Variants in RBFOX1 observed in about 807,000 individuals in gnomAD.
The protein encoded by RBFOX1 is RNA binding fox-1 homolog 1, also known as RNA binding protein fox-1 homolog 1.
Under a neutral mutation model 57.7 loss-of-function variants are expected in RBFOX1, and 8 were observed. The ratio of observed to expected loss-of-function variants is 0.14; its 90% CI spans 0.08 to 0.25. The LOEUF (loss-of-function observed/expected upper bound fraction) is 0.25. Among genes scored for constraint, RBFOX1 ranks in the 10% least tolerant of loss-of-function variants. RBFOX1 has a pLI of 1.00. For synonymous variants in RBFOX1, 326 were observed against 222.4 expected (o/e 1.47, Z -4.15); for missense variants, 611 against 548.5 (o/e 1.11, Z -1.14).
chr16:7,219,605 A>G (rs1301280620), intron 4 of RBFOX1, among the ~76,000 whole-genome samples: 1 of 152,196 alleles, frequency 6.6e-6, no homozygotes, highest in African/African-American at 2.4e-5. Flanking sequence ...AGAAAGAACA[A>G]GCGTGGCGGA....
chr16:7,656,508 G>C (rs769478162), intron 12 of RBFOX1, among the ~76,000 whole-genome samples: 2 of 152,190 alleles, frequency 1.3e-5, no homozygotes, highest in African/African-American at 4.8e-5. Context: ...TTCAGGGAAA[G>C]CAAGTAGCAT....
intron 3 of RBFOX1, among the ~76,000 whole-genome samples, chr16:6,809,491 A>C (rs12923180): frequency 1.1e-4 from 17 of 152,160 alleles, no homozygotes; most frequent in African/African-American, 2.2e-4. Flanking sequence ...CCTCATCTAC[A>C]TTGAAGAGCT....
chr16:7,599,547 G>A (rs2094896533), intron 9 of RBFOX1, among the ~76,000 whole-genome samples: 1 of 151,338 alleles, frequency 6.6e-6, no homozygotes, highest in Non-Finnish European at 1.5e-5. Flanking sequence ...AAGTGCACTG[G>A]ACACAAATGA....
chr16:6,200,238 C>T (rs555612932), intron 1 of RBFOX1, among the ~76,000 whole-genome samples: 3 of 152,180 alleles, frequency 2.0e-5, no homozygotes, highest in Non-Finnish European at 4.4e-5. Flanking sequence ...GCCTCAAGAA[C>T]AGCCGGGATT....
intron 1 of RBFOX1, among the ~76,000 whole-genome samples, chr16:5,394,598 G>T (rs4786031): frequency 0.057 from 6,968 of 123,274 alleles, 228 homozygotes; most frequent in East Asian, 0.13. Flanking sequence ...ATCTTGCTCT[G>T]TTGCCCAGGC....
At chr16:7,011,605 C>T (rs1209884179) in intron 3 of RBFOX1, among the ~76,000 whole-genome samples, 1 of 152,150 alleles carries the variant, frequency 6.6e-6, no homozygotes, top group Admixed American at 6.5e-5. Flanking sequence ...GCTCCGCATC[C>T]CGGGTTCACG....
chr16:6,215,632 C>G (rs950462428), intron 1 of RBFOX1, among the ~76,000 whole-genome samples: 1 of 152,108 alleles, frequency 6.6e-6, no homozygotes, highest in African/African-American at 2.4e-5. Flanking sequence ...CCTCCATTAA[C>G]CTTGTCTTTT....
intron 3 of RBFOX1, among the ~76,000 whole-genome samples, chr16:7,004,683 A>T (rs982167236): frequency 1.3e-5 from 2 of 152,244 alleles, no homozygotes; most frequent in African/African-American, 4.8e-5. Flanking sequence ...GGGAAAATAT[A>T]CAAAAGCCAC....
At chr16:7,551,566 T>C (rs949165456) in intron 5 of RBFOX1, among the ~76,000 whole-genome samples, 2 of 152,058 alleles carry the variant, frequency 1.3e-5, no homozygotes, top group African/African-American at 4.8e-5. Flanking sequence ...AGTGAGCAAA[T>C]AAATGGGGGT....
At chr16:6,515,451 A>G (rs1372157462) in intron 2 of RBFOX1, among the ~76,000 whole-genome samples, 3 of 152,222 alleles carry the variant, frequency 2.0e-5, no homozygotes, top group Non-Finnish European at 2.9e-5. Flanking sequence ...TATTTTTCTT[A>G]GAATCTAAGA....
chr16:6,808,178 G>GTGTATATATA (rs1318609964), intron 3 of RBFOX1, among the ~76,000 whole-genome samples: 3 of 145,574 alleles, frequency 2.1e-5, no homozygotes, highest in African/African-American at 7.8e-5. Flanking sequence ...GTGTGTGTGT[G>GTGTATATATA]TATATATATA....
intron 13 of RBFOX1, among the ~76,000 whole-genome samples, chr16:7,666,084 C>T (rs746419513): frequency 1.3e-5 from 2 of 152,100 alleles, no homozygotes; most frequent in African/African-American, 4.8e-5. Context: ...TTTTGTGGAA[C>T]TTAAGCTTTT....
At position 7,104,835 on chromosome 16, in the gene RBFOX1, C is replaced by T. The variant is rs180778540; in HGVS notation, c.27+52737C>T. 3.2e-3 allele frequency among the ~76,000 whole-genome samples: 485 copies of T among 152,228 alleles called. 5 individuals carry two copies. The highest frequency in any genetic ancestry group is 4.8e-3 in the Non-Finnish European group (324 of 67,998). On this transcript the variant is annotated intron_variant, in intron 4 of 15. Coordinates refer to ENST00000550418, the MANE Select transcript of RBFOX1 (RefSeq NM_018723.4). ...CAAAGAGGCTCAGACAAAACACATT[C>T]TTCAAGGGAGAACTCACTGGTGTAC...
intron 3 of RBFOX1, among the ~76,000 whole-genome samples, chr16:6,709,681 G>A (rs977979093): frequency 6.6e-6 from 1 of 152,122 alleles, no homozygotes; most frequent in African/African-American, 2.4e-5. Context: ...CAGTGGTGCT[G>A]AAGGGTTTAT....
intron 4 of RBFOX1, among the ~76,000 whole-genome samples, chr16:7,128,803 T>A (rs900564285): frequency 2.1e-5 from 3 of 144,106 alleles, no homozygotes; most frequent in Non-Finnish European, 3.0e-5. Flanking sequence ...TAATGGTAAC[T>A]TTTTTTTCTT....
intron 1 of RBFOX1, among the ~76,000 whole-genome samples, chr16:6,218,147 T>A (rs1200968777): frequency 2.0e-5 from 3 of 152,122 alleles, no homozygotes; most frequent in African/African-American, 7.2e-5. Context: ...TTTAACCAGA[T>A]CATTTGTTGA....
intron 3 of RBFOX1, among the ~76,000 whole-genome samples, chr16:5,816,011 G>A (rs1197207362): frequency 1.3e-5 from 2 of 152,336 alleles, no homozygotes; most frequent in Non-Finnish European, 2.9e-5. Context: ...GGATTTCTGG[G>A]TTGAGAGGGG....
At chr16:5,576,570 C>G (rs550862030) in intron 2 of RBFOX1, among the ~76,000 whole-genome samples, 3 of 152,216 alleles carry the variant, frequency 2.0e-5, no homozygotes, top group Non-Finnish European at 4.4e-5. Flanking sequence ...CCCCTTTCCC[C>G]CGTAGACCCT....
rs1160066575 is a variant in RBFOX1, at chr16:6,324,964, G to C, written c.-64+7907G>C. Among the ~76,000 whole-genome samples, 4 of 152,236 alleles carry C rather than the reference G, an allele frequency of 2.6e-5. No homozygotes were observed. The East Asian group carries it at 7.7e-4, about 29-fold the overall frequency. On this transcript the variant is annotated intron_variant, in intron 2 of 15. Coordinates refer to ENST00000550418, the MANE Select transcript of RBFOX1 (RefSeq NM_018723.4). ...TGTACTATGTAGCTAAATTAGGTTT[G>C]CAACTAAATCAGTACAGACATTTTG...
Sources: allele counts gnomAD v4.1 joint callset (sites outside exome capture counted in the v4.1 genomes callset), GRCh38; gene constraint gnomAD v4.1.1; transcripts MANE v1.5; gene names NCBI Gene and HGNC (gene_info 2026-07-23, HGNC 2026-07-21).